Variants in NCOA1 observed in about 807,000 individuals in gnomAD.
The protein encoded by NCOA1 is nuclear receptor coactivator 1.
NCOA1 carries 35 observed loss-of-function variants against 150.9 expected under a neutral mutation model. The observed-to-expected ratio is 0.23, with a 90% CI of 0.18 to 0.31. NCOA1 has a LOEUF of 0.31. Ranked by LOEUF, NCOA1 falls within the 10% of genes least tolerant of loss-of-function variation. The pLI, the probability that NCOA1 is intolerant of heterozygous loss-of-function variation, is 1.00. For synonymous variants in NCOA1, 590 were observed against 630.0 expected (o/e 0.94, Z 0.95); for missense variants, 1,491 against 1,749.3 (o/e 0.85, Z 2.63).
intron 4 of NCOA1, among the ~76,000 whole-genome samples, chr2:24,651,805 G>T (rs1670723092): frequency 6.6e-6 from 1 of 151,944 alleles, no homozygotes; most frequent in Non-Finnish European, 1.5e-5. Flanking sequence ...TAGTGATTAG[G>T]GAAATAGAAA....
In NCOA1 at chr2:24,691,513, C is replaced by G. The variant is rs1672666625; in HGVS notation, c.565C>G (p.Arg189Gly). Residue 189 changes from arginine (R) to glycine (G), a missense_variant, in exon 9 of 23, where the codon CGA (arginine) becomes GGA (glycine). Around this residue, in one of 8 missense-constraint regions of NCOA1, gnomAD observed 99 missense variants for 122.8 expected, o/e 0.81. Transcript: ENST00000348332. The part of the protein sequence containing the change: ...NGVPWPQEAT[R>G]RNSHTFNCRM... The stretch of plus-strand genomic sequence containing the variant: ...AGTTCCTTGGCCTCAAGAGGCAACA[C>G]GACGAAATAGCCATACCTTTAACTG... 3 of 1,614,038 alleles carry G rather than the reference C, an allele frequency of 1.9e-6. No homozygotes were observed. Among genetic ancestry groups the G allele is most frequent in the Non-Finnish European group, 2.5e-6 (3 of 1,179,944 alleles).
rs547971867 is a variant in NCOA1 at position 24,716,646 on chromosome 2, GAC to G, written c.2599+5539_2599+5540del. On this transcript the variant is annotated intron_variant, in intron 14 of 22. Transcript: ENST00000348332. ...ATTGAGATAGACACATTTTTGATAGGACACAAAAAGTGCTAATCATGAAAGAA... is the reference window on the plus strand; with the variant it reads ...ATTGAGATAGACACATTTTTGATAGGACAAAAAGTGCTAATCATGAAAGAA... Among the ~76,000 whole-genome samples, 5 of 152,202 alleles carry G rather than the reference GAC, an allele frequency of 3.3e-5. No individual in the cohort carries two copies. The South Asian group carries it at 1.0e-3, about 32-fold the overall frequency.
chr2:24,762,862 C>G (rs1338532053), intron 22 of NCOA1, 86 bp downstream of exon 22: 1 of 1,224,338 alleles, frequency 8.2e-7, no homozygotes, highest in African/African-American at 1.5e-5. Flanking sequence ...AGAGCCTGAC[C>G]TTGGGAGTCA....
intron 20 of NCOA1, among the ~76,000 whole-genome samples, chr2:24,756,523 A>G (rs1362545743): frequency 1.3e-5 from 2 of 152,178 alleles, no homozygotes; most frequent in Non-Finnish European, 2.9e-5. Context: ...GGAAACTGTA[A>G]ATGTCAGTAT....
intron 6 of NCOA1, among the ~76,000 whole-genome samples, chr2:24,669,955 T>C (rs898151370): frequency 1.3e-5 from 2 of 152,062 alleles, no homozygotes; most frequent in African/African-American, 2.4e-5. Context: ...CTGGACAACA[T>C]AGCAAGACCC....
At chr2:24,704,131 A>G (rs556778008) in intron 11 of NCOA1, among the ~76,000 whole-genome samples, 1 of 152,310 alleles carries the variant, frequency 6.6e-6, no homozygotes, top group South Asian at 2.1e-4. Flanking sequence ...ACTAATAACC[A>G]TTGGCTACAT....
chr2:24,736,917 G>A (rs997245822), intron 17 of NCOA1, among the ~76,000 whole-genome samples: 1 of 152,112 alleles, frequency 6.6e-6, no homozygotes, highest in South Asian at 2.1e-4. Flanking sequence ...GTTTCCTATA[G>A]GAGGACTTCT....
intron 4 of NCOA1, among the ~76,000 whole-genome samples, chr2:24,645,510 GAAAAA>G (rs397873594): frequency 2.7e-5 from 2 of 73,342 alleles, no homozygotes; most frequent in African/African-American, 6.4e-5. Context: ...ACTCCTCTCA[GAAAAA>G]AAAAAAAAAA....
intron 1 of NCOA1, among the ~76,000 whole-genome samples, chr2:24,517,004 G>GCA (rs72422469): frequency 0.015 from 1,260 of 83,906 alleles, 33 homozygotes; most frequent in African/African-American, 0.043. Flanking sequence ...ACACACGCGC[G>GCA]CACACACACA....
At chr2:24,717,067 C>G (rs920796841) in intron 14 of NCOA1, among the ~76,000 whole-genome samples, 1 of 151,996 alleles carries the variant, frequency 6.6e-6, no homozygotes, top group Non-Finnish European at 1.5e-5. Context: ...GAAATGATGC[C>G]CAACTCATAT....
chr2:24,600,768 C>G (rs1668076819), intron 3 of NCOA1, among the ~76,000 whole-genome samples: 1 of 152,222 alleles, frequency 6.6e-6, no homozygotes, highest in South Asian at 2.1e-4. Context: ...TAATTTCCAT[C>G]CTCCAAACCT....
intron 3 of NCOA1, among the ~76,000 whole-genome samples, chr2:24,635,159 T>G (rs1669884958): frequency 6.6e-6 from 1 of 152,202 alleles, no homozygotes; most frequent in South Asian, 2.1e-4. Context: ...TCTGCATCAT[T>G]CTTCCCCCCA....
chr2:24,621,648 T>C (rs557811819), intron 3 of NCOA1, among the ~76,000 whole-genome samples: 1 of 151,836 alleles, frequency 6.6e-6, no homozygotes, highest in Non-Finnish European at 1.5e-5. Context: ...CCGGCTAATT[T>C]TTTGTATTTT....
In NCOA1 at chr2:24,644,936, G is replaced by A. The variant is rs577217926; in HGVS notation, c.-18+814G>A. On this transcript the variant is annotated intron_variant, in intron 4 of 22. Coordinates refer to ENST00000348332, the MANE Select transcript of NCOA1 (RefSeq NM_003743.5). ...CTTCATCCATGTGTCCCAGCTGCAC[G>A]CCCATTCACTTTTAAAGGAGGCGAC... Among the ~76,000 whole-genome samples, 22 of 152,226 alleles carry A rather than the reference G, an allele frequency of 1.4e-4. No homozygotes were observed. The South Asian group carries it at 1.5e-3, about 10-fold the overall frequency.
intron 21 of NCOA1, among the ~76,000 whole-genome samples, chr2:24,761,230 C>A (rs1360789430): frequency 6.6e-6 from 1 of 152,192 alleles, no homozygotes; most frequent in African/African-American, 2.4e-5. Context: ...ACTTCAGTTG[C>A]ATGTATAGTG....
intron 3 of NCOA1, among the ~76,000 whole-genome samples, chr2:24,622,963 A>G (rs1669239218): frequency 6.6e-6 from 1 of 152,192 alleles, no homozygotes; most frequent in South Asian, 2.1e-4. Context: ...GTGTATGACC[A>G]TGTGGACACA....
chr2:24,744,674 G>T (rs974544319), intron 19 of NCOA1, among the ~76,000 whole-genome samples: 2 of 152,064 alleles, frequency 1.3e-5, no homozygotes, highest in Admixed American at 6.5e-5. Context: ...TAAGAAATCG[G>T]CCATACAAAA....
At chr2:24,713,914 A>C (rs1673887142) in intron 14 of NCOA1, among the ~76,000 whole-genome samples, 1 of 152,216 alleles carries the variant, frequency 6.6e-6, no homozygotes, top group Admixed American at 6.5e-5. Context: ...AATCTGAATC[A>C]GGGTTCTTTT....
chr2:24,745,081 A>G (rs1663825628), intron 19 of NCOA1, among the ~76,000 whole-genome samples: 1 of 152,184 alleles, frequency 6.6e-6, no homozygotes. Flanking sequence ...GAAAACAAGA[A>G]ACTTTTCTAG....
Sources: gnomAD v4.1 joint callset for allele counts (sites outside exome capture counted in the v4.1 genomes callset) on GRCh38, gnomAD v4.1.1 for gene constraint, gnomAD v4.1.1 regional missense constraint, MANE v1.5 for transcripts, NCBI Gene and HGNC (gene_info 2026-07-23, HGNC 2026-07-21) for gene names.